The following CSNK1G1 variants were observed in gnomAD, a reference collection of about 807,000 sequenced individuals.
CSNK1G1 encodes casein kinase 1 gamma 1, also known as casein kinase I isoform gamma-1.
Under a neutral mutation model 59.6 loss-of-function variants are expected in CSNK1G1, and 22 were observed. That is an observed-to-expected ratio of 0.37 (90% CI 0.26 to 0.53). The LOEUF (loss-of-function observed/expected upper bound fraction) is 0.53, where lower values mean the gene tolerates loss of function less well. CSNK1G1 is among the 20% of genes least tolerant of loss of function. The pLI is 0.89. For missense variants in CSNK1G1, 384 were observed against 519.5 expected (o/e 0.74, Z 2.54); for synonymous variants, 179 against 177.1 (o/e 1.01, Z -0.08).
intron 1 of CSNK1G1, among the ~76,000 whole-genome samples, chr15:64,312,299 C>T (rs982361333): frequency 9.9e-5 from 15 of 152,104 alleles, no homozygotes; most frequent in Non-Finnish European, 1.8e-4. Flanking sequence ...ATAGCCAAGA[C>T]AATCCTAAGC....
At chr15:64,191,052 TTG>T (rs2081963829) in intron 10 of CSNK1G1, among the ~76,000 whole-genome samples, 1 of 152,048 alleles carries the variant, frequency 6.6e-6, no homozygotes, top group South Asian at 2.1e-4. Context: ...GTTTTTGCAT[TTG>T]TTTTTTTGTT....
chr15:64,272,242 G>A (rs1555399857), intron 2 of CSNK1G1, among the ~76,000 whole-genome samples: 1 of 150,964 alleles, frequency 6.6e-6, no homozygotes, highest in Non-Finnish European at 1.5e-5. Flanking sequence ...TTGAGATGGA[G>A]TCTTGCTCTG....
intron 1 of CSNK1G1, among the ~76,000 whole-genome samples, chr15:64,350,924 T>C: frequency 6.6e-6 from 1 of 151,856 alleles, no homozygotes. Flanking sequence ...TTTTTTTTCC[T>C]CCCAGCTTCT....
intron 10 of CSNK1G1, among the ~76,000 whole-genome samples, chr15:64,199,267 AAAAAAGAAAAAG>A (rs1458266334): frequency 1.4e-5 from 2 of 146,912 alleles, no homozygotes; most frequent in Non-Finnish European, 3.0e-5. Context: ...AAAAAAAAAA[AAAAAAGAAAAAG>A]AAAAGAAAAA....
intron 2 of CSNK1G1, among the ~76,000 whole-genome samples, chr15:64,277,756 TATAGC>T (rs1263890877): frequency 4.5e-5 from 3 of 66,622 alleles, no homozygotes; most frequent in African/African-American, 1.7e-4. Context: ...TATTTAATAA[TATAGC>T]AATATTGATA....
At chr15:64,327,030 C>A (rs1896883218) in intron 1 of CSNK1G1, among the ~76,000 whole-genome samples, 1 of 151,016 alleles carries the variant, frequency 6.6e-6, no homozygotes, top group Admixed American at 6.6e-5. Context: ...CCTACGCCCA[C>A]GGAATCTCGC....
intron 1 of CSNK1G1, among the ~76,000 whole-genome samples, chr15:64,319,611 T>C (rs1162675510): frequency 6.6e-6 from 1 of 152,128 alleles, no homozygotes; most frequent in Non-Finnish European, 1.5e-5. Flanking sequence ...AGTGGCACGA[T>C]CTCGCTCACT....
chr15:64,261,550 G>A (rs1392746162), intron 2 of CSNK1G1, among the ~76,000 whole-genome samples: 1 of 152,050 alleles, frequency 6.6e-6, no homozygotes, highest in African/African-American at 2.4e-5. Flanking sequence ...GTGGTGAGCT[G>A]AGATCATGCC....
intron 8 of CSNK1G1, 24 bp downstream of exon 8, chr15:64,204,841 T>G: frequency 6.6e-7 from 1 of 1,509,286 alleles, no homozygotes; most frequent in Non-Finnish European, 9.2e-7. Context: ...TCAGTCACAC[T>G]GGAATGTCTT....
intron 1 of CSNK1G1, among the ~76,000 whole-genome samples, chr15:64,318,200 T>C (rs1002647808): frequency 7.9e-5 from 12 of 152,136 alleles, no homozygotes; most frequent in Non-Finnish European, 1.2e-4. Flanking sequence ...TTTGTAGTTG[T>C]GGCCTCAAGA....
At chr15:64,302,131 C>T (rs951018368) in intron 1 of CSNK1G1, among the ~76,000 whole-genome samples, 1 of 152,020 alleles carries the variant, frequency 6.6e-6, no homozygotes, top group African/African-American at 2.4e-5. Flanking sequence ...GATGGAATTT[C>T]GCTCGTTGCC....
intron 2 of CSNK1G1, among the ~76,000 whole-genome samples, chr15:64,274,242 T>C (rs930001796): frequency 6.6e-6 from 1 of 152,226 alleles, no homozygotes; most frequent in African/African-American, 2.4e-5. Flanking sequence ...AAATGCATCA[T>C]TAAAATTTTA....
intron 1 of CSNK1G1, among the ~76,000 whole-genome samples, chr15:64,302,620 C>T (rs1895419030): frequency 6.6e-6 from 1 of 152,070 alleles, no homozygotes; most frequent in African/African-American, 2.4e-5. Context: ...TCCCGGTTAT[C>T]CTTGTCTTTT....
chr15:64,282,650 T>C (rs1033142947), intron 2 of CSNK1G1, among the ~76,000 whole-genome samples: 2 of 152,246 alleles, frequency 1.3e-5, no homozygotes, highest in African/African-American at 2.4e-5. Context: ...TTCATTTTTA[T>C]GGGCTAATAA....
At chr15:64,175,012 A>T (rs2081725058) in intron 11 of CSNK1G1, among the ~76,000 whole-genome samples, 1 of 93,632 alleles carries the variant, frequency 1.1e-5, no homozygotes, top group African/African-American at 4.3e-5. Context: ...CCCACCCCCC[A>T]CCCCACTAGA....
At chr15:64,183,738 CT>C (rs917788710) in intron 10 of CSNK1G1, among the ~76,000 whole-genome samples, 307 of 141,528 alleles carry the variant, frequency 2.2e-3, no homozygotes, top group Middle Eastern at 3.7e-3. Flanking sequence ...TTATGTTTTT[CT>C]TTTTTTTTTT....
In CSNK1G1 at chr15:64,192,965, CA is replaced by C. The variant is rs112792348; in HGVS notation, c.1107+10116del. Among the ~76,000 whole-genome samples the C allele has an allele frequency of 6.4e-3, 944 of 148,634 alleles. 11 individuals are homozygous for C. Among genetic ancestry groups the C allele is most frequent in the African/African-American group, 0.015 (603 of 40,404 alleles). On this transcript the variant is annotated intron_variant, in intron 10 of 11. Coordinates refer to ENST00000303052, the MANE Select transcript of CSNK1G1 (RefSeq NM_022048.5). ...ACTTTATCTACTTCACTTTATGGCTCAAAAAATACCTTAAAAGCTGCCATTT... is the reference window on the plus strand; with the variant it reads ...ACTTTATCTACTTCACTTTATGGCTCAAAAATACCTTAAAAGCTGCCATTT...
At position 64,200,513 on chromosome 15, in the gene CSNK1G1, T is replaced by G. The variant is rs2082093302; in HGVS notation, c.1107+2569A>C. On this transcript the variant is annotated intron_variant, in intron 10 of 11. Transcript: ENST00000303052. The surrounding 1 kb of genome is among the most constrained non-coding windows in gnomAD (Gnocchi z 4.3). ...GGCATGTGCCACCACACCCAGCTAA[T>G]TTTTATATTTTTAGTAGAGACAGGG... 6.6e-6 allele frequency among the ~76,000 whole-genome samples: 1 copy of G among 152,072 alleles called. No individual in the cohort carries two copies. Among genetic ancestry groups the G allele is most frequent in the African/African-American group, 2.4e-5 (1 of 41,410 alleles).
chr15:64,346,462 ATTTATTTATTTT>A lies in CSNK1G1; in HGVS notation c.-225+9514_-225+9525del, dbSNP rs1164784765. Among the ~76,000 whole-genome samples the A allele has an allele frequency of 1.8e-4, 27 of 149,148 alleles. 1 individual carries two copies. In the East Asian group the frequency reaches 5.1e-3, roughly 28 times the overall value. On this transcript the variant is annotated intron_variant, in intron 1 of 11. Transcript: ENST00000303052. ...TATTTATTTATTTATTTATTTATTT[ATTTATTTATTTT>A]GAGACATAGGTTTGCTCTTGTTGCC...
Sources: allele counts gnomAD v4.1 joint callset (sites outside exome capture counted in the v4.1 genomes callset), GRCh38; gene constraint gnomAD v4.1.1; non-coding constraint Gnocchi (gnomAD v3.1); transcripts MANE v1.5; gene names NCBI Gene and HGNC (gene_info 2026-07-23, HGNC 2026-07-21).